Variants in PTPRN2 observed in about 807,000 individuals in gnomAD.
PTPRN2 encodes the protein receptor-type tyrosine-protein phosphatase N2.
PTPRN2 carries 74 observed loss-of-function variants against 118.8 expected under a neutral mutation model. The observed-to-expected ratio is 0.62, with a 90% CI of 0.52 to 0.76. PTPRN2 has a LOEUF of 0.76. PTPRN2 is among the 30% of genes least tolerant of loss of function. The pLI is 0.00. For missense variants in PTPRN2, 1,481 were observed against 1,394.4 expected, an observed-to-expected ratio of 1.06 and a Z score of -0.99; for synonymous variants, 641 against 608.0, an observed-to-expected ratio of 1.05 and a Z score of -0.80.
At chr7:158,070,239 A>G (rs984994908) in intron 11 of PTPRN2, among the ~76,000 whole-genome samples, 3 of 152,070 alleles carry the variant, frequency 2.0e-5, no homozygotes, top group East Asian at 1.9e-4. Context: ...TAAGCAGCCA[A>G]CTGCTGTAGA....
chr7:158,428,789 G>A (rs1179711316), intron 2 of PTPRN2, among the ~76,000 whole-genome samples: 6 of 152,128 alleles, frequency 3.9e-5, no homozygotes, highest in Non-Finnish European at 5.9e-5. Flanking sequence ...TTCAGTCACC[G>A]TGTCTGTATG....
At chr7:158,056,819 A>G (rs1227259376) in intron 11 of PTPRN2, among the ~76,000 whole-genome samples, 4 of 152,216 alleles carry the variant, frequency 2.6e-5, no homozygotes, top group South Asian at 2.1e-4. Context: ...GAAGCTGCAC[A>G]TTAAGTCCCA....
chr7:157,555,839 A>C (rs1281445089), intron 21 of PTPRN2, among the ~76,000 whole-genome samples: 3 of 152,246 alleles, frequency 2.0e-5, no homozygotes, highest in Non-Finnish European at 4.4e-5. Context: ...ATACATGACG[A>C]ATGGTGATTA....
intron 3 of PTPRN2, among the ~76,000 whole-genome samples, chr7:158,316,495 A>G (rs1315032552): frequency 6.6e-6 from 1 of 152,216 alleles, no homozygotes; most frequent in Non-Finnish European, 1.5e-5. Flanking sequence ...AGGCCGAGCC[A>G]CGCCTGCACT....
intron 1 of PTPRN2, among the ~76,000 whole-genome samples, chr7:158,567,181 A>G (rs1353214882): frequency 6.6e-6 from 1 of 152,222 alleles, no homozygotes; most frequent in African/African-American, 2.4e-5. Flanking sequence ...AACATAGCCA[A>G]TCCTTAACAA....
intron 2 of PTPRN2, among the ~76,000 whole-genome samples, chr7:158,391,722 G>A (rs927993415): frequency 1.3e-5 from 2 of 152,182 alleles, no homozygotes; most frequent in African/African-American, 2.4e-5. Flanking sequence ...CAGGCTGGAT[G>A]CAGCCCTGCA....
At chr7:157,635,570 CAAT>C (rs1804260753) in intron 14 of PTPRN2, among the ~76,000 whole-genome samples, 1 of 152,254 alleles carries the variant, frequency 6.6e-6, no homozygotes, top group African/African-American at 2.4e-5. Context: ...AGATCTGGGA[CAAT>C]AAACCAATTT....
chr7:157,723,234 G>A (rs1391014734), intron 12 of PTPRN2, among the ~76,000 whole-genome samples: 1 of 152,160 alleles, frequency 6.6e-6, no homozygotes, highest in Admixed American at 6.5e-5. Context: ...TTGCCCTGAC[G>A]CCTCTCCTGG....
chr7:158,532,573 G>C, intron 1 of PTPRN2: 1 of 392,932 alleles, frequency 2.5e-6, no homozygotes, highest in South Asian at 2.0e-5. Flanking sequence ...ATGTGACTTT[G>C]ATCCTACAAA....
rs1160734104 is a variant in PTPRN2 at position 158,544,248 on chromosome 7, A to T, written c.112+43310T>A. 6.6e-6 allele frequency among the ~76,000 whole-genome samples: 1 copy of T among 152,024 alleles called. No individual in the cohort carries two copies. Among genetic ancestry groups the T allele is most frequent in the Non-Finnish European group, 1.5e-5 (1 of 68,022 alleles). ...CCCAAAAACAGGAACGGCAACGTTGACTCTAAAGCAAGCGTATCCAGCCCA... is the reference window on the plus strand; with the variant it reads ...CCCAAAAACAGGAACGGCAACGTTGTCTCTAAAGCAAGCGTATCCAGCCCA... On this transcript the variant is annotated intron_variant, in intron 1 of 22. Coordinates refer to ENST00000389418, the MANE Select transcript of PTPRN2 (RefSeq NM_002847.5). The surrounding 1 kb of genome is among the most constrained non-coding windows in gnomAD (Gnocchi z 4.2).
intron 2 of PTPRN2, among the ~76,000 whole-genome samples, chr7:158,457,501 A>G (rs111757980): frequency 3.6e-4 from 49 of 136,536 alleles, no homozygotes; most frequent in South Asian, 4.8e-4. Context: ...GTTACCACCA[A>G]ACCTCCCTCT....
At chr7:158,121,727 G>A (rs1449662933) in intron 9 of PTPRN2, among the ~76,000 whole-genome samples, 1 of 152,198 alleles carries the variant, frequency 6.6e-6, no homozygotes, top group African/African-American at 2.4e-5. Flanking sequence ...CCCAGAATGT[G>A]TTTGTGAACC....
At chr7:157,832,187 C>T (rs117856012) in intron 12 of PTPRN2, among the ~76,000 whole-genome samples, 3,780 of 152,288 alleles carry the variant, frequency 0.025, 76 homozygotes, top group Non-Finnish European at 0.041. Context: ...TGTGTTAAGC[C>T]GCACTACCAC....
At chr7:157,825,575 G>A (rs983751424) in intron 12 of PTPRN2, among the ~76,000 whole-genome samples, 3 of 152,212 alleles carry the variant, frequency 2.0e-5, no homozygotes, top group Admixed American at 2.0e-4. Flanking sequence ...TGCCACGTCA[G>A]TGTATGAATC....
chr7:157,690,787 G>C lies in PTPRN2; in HGVS notation c.1789-7850C>G, dbSNP rs1018118840. 3.0e-4 allele frequency among the ~76,000 whole-genome samples: 45 copies of C among 150,480 alleles called. No individual in the cohort carries two copies. Among genetic ancestry groups the C allele is most frequent in the African/African-American group, 1.1e-3 (44 of 41,320 alleles). On this transcript the variant is annotated intron_variant, in intron 12 of 22. Transcript: ENST00000389418. The surrounding 1 kb of genome is among the most constrained non-coding windows in gnomAD (Gnocchi z 7.1). ...GCTGCTCCAGCAGCAGCGGCTGCGC[G>C]GCGGCACGGGCTCGGAGCCCGCAGG...
intron 4 of PTPRN2, among the ~76,000 whole-genome samples, chr7:158,200,009 G>A (rs1009378314): frequency 2.0e-5 from 3 of 152,060 alleles, no homozygotes; most frequent in South Asian, 4.2e-4. Context: ...ACAAAATTAC[G>A]AATACTAAAG....
intron 12 of PTPRN2, among the ~76,000 whole-genome samples, chr7:157,789,319 T>C (rs1160758073): frequency 6.6e-6 from 1 of 152,182 alleles, no homozygotes; most frequent in Non-Finnish European, 1.5e-5. Context: ...GTTTCTAAGC[T>C]GCCTGTTGGG....
chr7:158,365,638 GC>G (rs1342886245), intron 2 of PTPRN2, among the ~76,000 whole-genome samples: 2 of 144,272 alleles, frequency 1.4e-5, no homozygotes, highest in Non-Finnish European at 2.9e-5. Context: ...CCTGGGAGAA[GC>G]CGCAGCCCAA....
intron 9 of PTPRN2, among the ~76,000 whole-genome samples, chr7:158,120,311 G>C (rs916131572): frequency 6.6e-6 from 1 of 152,174 alleles, no homozygotes; most frequent in Non-Finnish European, 1.5e-5. Context: ...TGAATTCTAT[G>C]CTTAAACATG....
Sources: gnomAD v4.1 joint callset for allele counts (sites outside exome capture counted in the v4.1 genomes callset) on GRCh38, gnomAD v4.1.1 for gene constraint, Gnocchi (gnomAD v3.1) non-coding constraint, MANE v1.5 for transcripts, NCBI Gene and HGNC (gene_info 2026-07-23, HGNC 2026-07-21) for gene names.